The following NDUFAF6 variants were observed in gnomAD, a reference collection of about 807,000 sequenced individuals.
NDUFAF6 encodes NADH dehydrogenase (ubiquinone) complex I, assembly factor 6.
Under a neutral mutation model 40.8 loss-of-function variants are expected in NDUFAF6, and 45 were observed. The ratio of observed to expected loss-of-function variants is 1.10; its 90% CI spans 0.87 to 1.42. The LOEUF (loss-of-function observed/expected upper bound fraction) is 1.42. Ranked by LOEUF, NDUFAF6 falls within the 40% of genes most tolerant of loss-of-function variation. NDUFAF6 has a pLI of 0.00. For synonymous variants in NDUFAF6, 185 were observed against 155.9 expected (o/e 1.19, Z -1.39); for missense variants, 435 against 418.5 (o/e 1.04, Z -0.34).
intron 1 of NDUFAF6, among the ~76,000 whole-genome samples, chr8:94,931,463 A>G (rs1369747269): frequency 6.6e-6 from 1 of 152,160 alleles, no homozygotes; most frequent in Non-Finnish European, 1.5e-5. Flanking sequence ...CTAATCAAGT[A>G]GGATTGCTGT....
At chr8:95,100,527 C>T (rs1415222322) in exon 1 of NDUFAF6, 1 of 152,192 alleles carries the variant, frequency 6.6e-6, no homozygotes, top group East Asian at 1.9e-4. Context: ...TACTGATTTA[C>T]TGTAAGTCTT....
intron 8 of NDUFAF6, among the ~76,000 whole-genome samples, chr8:95,057,452 G>C (rs1340533140): frequency 2.6e-5 from 4 of 152,008 alleles, no homozygotes. Flanking sequence ...GGGGGTCGGG[G>C]TGGGGATGTT....
chr8:95,048,671 A>T (rs1831087779), intron 7 of NDUFAF6, 113 bp downstream of exon 7: 1 of 811,726 alleles, frequency 1.2e-6, no homozygotes, highest in East Asian at 2.6e-5. Flanking sequence ...TCCATTTTTC[A>T]TTGATTTCCC....
At chr8:95,078,757 C>G (rs1405553020), downstream of NDUFAF6, 1 of 151,542 alleles carries the variant, frequency 6.6e-6, no homozygotes, top group African/African-American at 2.4e-5. Flanking sequence ...CTTACTGTTT[C>G]TCTAGTTTTG....
At chr8:95,023,926 G>C (rs1827811541), upstream of NDUFAF6, among the ~76,000 whole-genome samples, 1 of 151,726 alleles carries the variant, frequency 6.6e-6, no homozygotes, top group South Asian at 2.1e-4. Flanking sequence ...GGGAGGCGGA[G>C]GTTGCAGTGA....
intron 2 of NDUFAF6, among the ~76,000 whole-genome samples, chr8:95,013,733 AT>A (rs1414758351): frequency 3.9e-5 from 6 of 152,234 alleles, no homozygotes; most frequent in African/African-American, 1.2e-4. Flanking sequence ...TCAGATGGTG[AT>A]ATATACTGCA....
At chr8:94,920,721 C>T (rs1819442335) in intron 1 of NDUFAF6, among the ~76,000 whole-genome samples, 1 of 152,210 alleles carries the variant, frequency 6.6e-6, no homozygotes, top group South Asian at 2.1e-4. Context: ...CTGGACCCTC[C>T]ACCCCCAGCT....
chr8:95,064,676 T>C (rs1209400608), intron 9 of NDUFAF6, among the ~76,000 whole-genome samples: 1 of 151,014 alleles, frequency 6.6e-6, no homozygotes, highest in Admixed American at 6.6e-5. Flanking sequence ...GAAAACAATC[T>C]CTCTGACCTT....
In NDUFAF6 at chr8:95,041,620, TGAAA is replaced by T. The variant is rs1563819540; in HGVS notation, c.474_477del (p.Arg159LysfsTer29). The T allele has an allele frequency of 3.7e-6, 6 of 1,611,890 alleles. No homozygotes were observed. The highest frequency in any genetic ancestry group is 1.1e-5 in the South Asian group (1 of 91,040). ...AAAGATGGCTTATGAAAATCGTCGA[TGAAA>T]GAGTGAGTCAAAATTGTTCAAGTCT... On this transcript the variant is annotated frameshift_variant and splice_region_variant, in exon 4 of 9. Coordinates refer to ENST00000396124, the MANE Select transcript of NDUFAF6 (RefSeq NM_152416.4). LOFTEE classifies it high-confidence loss of function.
At chr8:95,004,032 G>A (rs1398833997) in intron 2 of NDUFAF6, among the ~76,000 whole-genome samples, 1 of 152,190 alleles carries the variant, frequency 6.6e-6, no homozygotes, top group African/African-American at 2.4e-5. Flanking sequence ...TGAGGAACGA[G>A]TAGAGAGAGT....
chr8:95,081,785 G>A (rs1033110793), intron 2 of NDUFAF6, among the ~76,000 whole-genome samples: 1 of 152,198 alleles, frequency 6.6e-6, no homozygotes, highest in African/African-American at 2.4e-5. Context: ...TGTTGGGCCG[G>A]GCGTGGTGGC....
chr8:95,045,060 T>G (rs1420541655), intron 4 of NDUFAF6, among the ~76,000 whole-genome samples: 2 of 64,880 alleles, frequency 3.1e-5, no homozygotes, highest in Non-Finnish European at 8.0e-5. Flanking sequence ...GTCAAATATG[T>G]GGGTTCCCGT....
At chr8:95,006,767 C>A (rs994385961) in intron 2 of NDUFAF6, among the ~76,000 whole-genome samples, 3 of 151,160 alleles carry the variant, frequency 2.0e-5, no homozygotes, top group Non-Finnish European at 4.4e-5. Context: ...GCATTCCCAG[C>A]TACTCAGGAG....
chr8:95,087,081 A>T (rs76674282), intron 2 of NDUFAF6, among the ~76,000 whole-genome samples: 129,013 of 149,758 alleles, frequency 0.86, 55,739 homozygotes, highest in East Asian at 0.99. Flanking sequence ...CTTTTTTTTT[A>T]AAAAATTCTG....
chr8:95,060,515 C>T (rs1832545629), downstream of NDUFAF6, among the ~76,000 whole-genome samples: 1 of 152,202 alleles, frequency 6.6e-6, no homozygotes, highest in Non-Finnish European at 1.5e-5. Flanking sequence ...AAATTGAATT[C>T]TTGAGAAATG....
chr8:95,045,411 A>G, intron 4 of NDUFAF6, 134 bp from the exon 5 acceptor site: 2 of 670,834 alleles, frequency 3.0e-6, no homozygotes, highest in Non-Finnish European at 5.3e-6. Context: ...GTAATGTTTT[A>G]TCTTATTGTG....
chr8:95,099,103 G>T (rs1809570406), upstream of NDUFAF6, among the ~76,000 whole-genome samples: 1 of 151,872 alleles, frequency 6.6e-6, no homozygotes, highest in African/African-American at 2.4e-5. Flanking sequence ...AGCTGGGCGT[G>T]GTGGCAGGTG....
downstream of NDUFAF6, among the ~76,000 whole-genome samples, chr8:95,062,082 A>G (rs1406498562): frequency 2.0e-5 from 3 of 151,692 alleles, no homozygotes; most frequent in Non-Finnish European, 2.9e-5. Flanking sequence ...GTTTGAGCAC[A>G]GGAGGTGGAG....
intron 2 of NDUFAF6, among the ~76,000 whole-genome samples, chr8:94,999,152 T>C (rs1005498943): frequency 2.7e-5 from 4 of 146,378 alleles, no homozygotes; most frequent in African/African-American, 1.0e-4. Flanking sequence ...GAAGACAGAG[T>C]CTCACTCTGT....
Sources: allele counts gnomAD v4.1 joint callset (sites outside exome capture counted in the v4.1 genomes callset), GRCh38; gene constraint gnomAD v4.1.1; transcripts MANE v1.5; gene names NCBI Gene and HGNC (gene_info 2026-07-23, HGNC 2026-07-21).